Variants in ZNF347 observed in about 807,000 individuals in gnomAD.
The protein encoded by ZNF347 is zinc finger protein 347.
ZNF347 carries 19 observed loss-of-function variants against 12.9 expected under a neutral mutation model. The ratio of observed to expected loss-of-function variants is 1.47; its 90% CI spans 1.03 to 2.16. ZNF347 has a LOEUF of 2.16. ZNF347 is among the 30% of genes most tolerant of loss of function. The probability of loss-of-function intolerance (pLI) is 0.00; values close to 1 mark genes in which losing one functional copy is unlikely to be tolerated. For synonymous variants in ZNF347, 328 were observed against 340.6 expected, an observed-to-expected ratio of 0.96 and a Z score of 0.41; for missense variants, 1,005 against 990.6, an observed-to-expected ratio of 1.01 and a Z score of -0.19.
chr19:53,145,247 T>C (rs1409900085), intron 4 of ZNF347, among the ~76,000 whole-genome samples: 1 of 137,806 alleles, frequency 7.3e-6, no homozygotes, highest in Non-Finnish European at 1.5e-5. Flanking sequence ...GCCAAGATTG[T>C]GCCATGCACT....
Sources: gnomAD v4.1 joint callset for allele counts (sites outside exome capture counted in the v4.1 genomes callset) on GRCh38, gnomAD v4.1.1 for gene constraint, MANE v1.5 for transcripts, NCBI Gene and HGNC (gene_info 2026-07-23, HGNC 2026-07-21) for gene names.